Variants in PTPRT observed in about 807,000 individuals in gnomAD.
PTPRT encodes the protein receptor-type tyrosine-protein phosphatase T.
PTPRT carries 56 observed loss-of-function variants against 176.8 expected under a neutral mutation model. That is an observed-to-expected ratio of 0.32 (90% CI 0.26 to 0.40). The LOEUF is 0.40. PTPRT is among the 10% of genes least tolerant of loss of function. The pLI is 1.00. For missense variants in PTPRT, 1,540 were observed against 1,908.2 expected, an observed-to-expected ratio of 0.81 and a Z score of 3.60; for synonymous variants, 783 against 739.0, an observed-to-expected ratio of 1.06 and a Z score of -0.96.
At chr20:42,438,885 C>G (rs779736451) in intron 9 of PTPRT, among the ~76,000 whole-genome samples, 3 of 152,144 alleles carry the variant, frequency 2.0e-5, no homozygotes, top group Non-Finnish European at 4.4e-5. Context: ...GAAGAAACAC[C>G]CCAAGGCAAA....
At chr20:42,183,036 C>G (rs1379070051) in intron 16 of PTPRT, among the ~76,000 whole-genome samples, 1 of 151,850 alleles carries the variant, frequency 6.6e-6, no homozygotes, top group Non-Finnish European at 1.5e-5. Flanking sequence ...AAGCTTTATC[C>G]ACTCCCACTC....
intron 15 of PTPRT, among the ~76,000 whole-genome samples, chr20:42,229,639 G>A (rs1279544155): frequency 6.6e-6 from 1 of 152,170 alleles, no homozygotes; most frequent in African/African-American, 2.4e-5. Flanking sequence ...CCTACTATGT[G>A]CTAGGCATTT....
At chr20:42,314,539 A>AAAAG (rs1229605670) in intron 12 of PTPRT, among the ~76,000 whole-genome samples, 5 of 148,878 alleles carry the variant, frequency 3.4e-5, no homozygotes, top group African/African-American at 1.2e-4. Flanking sequence ...AAAAAAAAAA[A>AAAAG]AAAGAAAGAA....
At chr20:42,323,081 A>C (rs1490978519) in intron 11 of PTPRT, among the ~76,000 whole-genome samples, 1 of 152,006 alleles carries the variant, frequency 6.6e-6, no homozygotes, top group Admixed American at 6.5e-5. Flanking sequence ...CACCAGTTAA[A>C]ATGGCAGTCA....
chr20:42,694,139 C>T (rs762968194), intron 6 of PTPRT, among the ~76,000 whole-genome samples: 9 of 151,544 alleles, frequency 5.9e-5, no homozygotes, highest in East Asian at 2.0e-4. Flanking sequence ...CCCAGGTTCA[C>T]GCCATTCTCC....
intron 7 of PTPRT, among the ~76,000 whole-genome samples, chr20:42,512,007 C>G (rs2071967527): frequency 6.6e-6 from 1 of 152,126 alleles, no homozygotes; most frequent in South Asian, 2.1e-4. Context: ...CCTCCCTCTC[C>G]CTGAGCTGAG....
At chr20:42,988,141 G>C (rs964244869) in intron 1 of PTPRT, among the ~76,000 whole-genome samples, 1 of 152,152 alleles carries the variant, frequency 6.6e-6, no homozygotes, top group Admixed American at 6.5e-5. Flanking sequence ...TCTTGGAGAC[G>C]GGCCACTGAA....
Position 43,127,762 on chromosome 20 carries a change from G to A in PTPRT, c.88+61884C>T, listed in dbSNP as rs138334022. ...TTCCAAAGAGAAACTCTTTTTGGAA[G>A]GAATTTGCAAAAAGAAAAGTAGGAG... On this transcript the variant is annotated intron_variant, in intron 1 of 30. Coordinates refer to ENST00000373187, the MANE Select transcript of PTPRT (RefSeq NM_007050.6). 1.1e-3 allele frequency among the ~76,000 whole-genome samples: 167 copies of A among 152,272 alleles called. 3 individuals carry two copies. The East Asian group carries it at 0.027, about 24-fold the overall frequency.
At chr20:43,063,155 A>C (rs1237811607) in intron 1 of PTPRT, among the ~76,000 whole-genome samples, 1 of 152,240 alleles carries the variant, frequency 6.6e-6, no homozygotes, top group Non-Finnish European at 1.5e-5. Context: ...GTCACAAAAG[A>C]TTAAACAATA....
chr20:42,554,000 G>A (rs889579616), intron 7 of PTPRT, among the ~76,000 whole-genome samples: 1 of 152,096 alleles, frequency 6.6e-6, no homozygotes, highest in African/African-American at 2.4e-5. Context: ...CAAGGCCGCA[G>A]AAAGTGGTAA....
intron 7 of PTPRT, among the ~76,000 whole-genome samples, chr20:42,625,194 T>C (rs563410434): frequency 1.3e-5 from 2 of 152,254 alleles, no homozygotes; most frequent in South Asian, 2.1e-4. Context: ...AAGTCCTCAC[T>C]GTGAGGTCCA....
At chr20:42,233,766 T>C (rs2146846951) in intron 15 of PTPRT, among the ~76,000 whole-genome samples, 1 of 152,290 alleles carries the variant, frequency 6.6e-6, no homozygotes, top group Admixed American at 6.5e-5. Context: ...GAATATAAAA[T>C]GAATATAATT....
At chr20:42,868,943 A>G (rs2078797321) in intron 2 of PTPRT, among the ~76,000 whole-genome samples, 1 of 152,304 alleles carries the variant, frequency 6.6e-6, no homozygotes, top group Middle Eastern at 3.4e-3. Flanking sequence ...GACTCAAGTG[A>G]GCCCAAGTGT....
intron 7 of PTPRT, among the ~76,000 whole-genome samples, chr20:42,629,152 A>G (rs2074354937): frequency 1.3e-5 from 2 of 151,504 alleles, no homozygotes; most frequent in South Asian, 4.2e-4. Context: ...TTACTGTGGA[A>G]GACTCTCTTC....
Position 42,081,958 on chromosome 20 carries a change from T to C in PTPRT, c.4196A>G (p.Gln1399Arg). The change falls in exon 30 of 31, where the codon CAG (glutamine) becomes CGG (arginine). Residue 1399 changes from glutamine (Q) to arginine (R), a missense_variant. Coordinates refer to ENST00000373187, the MANE Select transcript of PTPRT (RefSeq NM_007050.6). ...GAACACGTCAATGATGTTTTGCTGC[T>C]GGATCATCTCACACACACTGCAGAT... ...CAICSVCEMIQQQNIIDVFHI... is the reference protein window; with the variant it reads ...CAICSVCEMIRQQNIIDVFHI... 1 of 1,614,262 alleles carries C rather than the reference T, an allele frequency of 6.2e-7. No homozygotes were observed. Among genetic ancestry groups the C allele is most frequent in the Non-Finnish European group, 8.5e-7 (1 of 1,180,044 alleles).
At chr20:42,120,263 AC>A (rs1987518010) in intron 19 of PTPRT, among the ~76,000 whole-genome samples, 1 of 152,168 alleles carries the variant, frequency 6.6e-6, no homozygotes, top group South Asian at 2.1e-4. Flanking sequence ...ATCCTTATGC[AC>A]CCAAAAACAG....
chr20:42,389,687 C>A (rs115664163), intron 9 of PTPRT, among the ~76,000 whole-genome samples: 1 of 151,504 alleles, frequency 6.6e-6, no homozygotes, highest in Non-Finnish European at 1.5e-5. Context: ...ACCCTGTCAC[C>A]ACAAAAAAAT....
rs150771316 is a variant in PTPRT, at chr20:43,062,096, G to A, written c.88+127550C>T. On this transcript the variant is annotated intron_variant, in intron 1 of 30. Transcript: ENST00000373187. ...TGGTTGCCTGGGGCTTAGGGTGGAAGGAAGGACTGCAAAGAGGAAGGAGAG... is the reference window on the plus strand; with the variant it reads ...TGGTTGCCTGGGGCTTAGGGTGGAAAGAAGGACTGCAAAGAGGAAGGAGAG... Among the ~76,000 whole-genome samples, 1,266 of 152,280 alleles carry A rather than the reference G, an allele frequency of 8.3e-3. 10 individuals are homozygous for A. The highest frequency in any genetic ancestry group is 0.029 in the African/African-American group (1,188 of 41,556).
chr20:43,008,957 C>T (rs901953587), intron 1 of PTPRT, among the ~76,000 whole-genome samples: 6 of 152,128 alleles, frequency 3.9e-5, no homozygotes, highest in Admixed American at 3.3e-4. Flanking sequence ...TGGGTCTCTC[C>T]GCCTGACTTC....
Sources: allele counts gnomAD v4.1 joint callset (sites outside exome capture counted in the v4.1 genomes callset), GRCh38; gene constraint gnomAD v4.1.1; transcripts MANE v1.5; gene names NCBI Gene and HGNC (gene_info 2026-07-23, HGNC 2026-07-21).